Variants in BTRC observed in about 807,000 individuals in gnomAD.
BTRC encodes F-box/WD repeat-containing protein 1A.
BTRC carries 42 observed loss-of-function variants against 85.5 expected under a neutral mutation model. That is an observed-to-expected ratio of 0.49 (90% CI 0.38 to 0.64). The LOEUF (loss-of-function observed/expected upper bound fraction) is 0.64, where lower values mean the gene tolerates loss of function less well. Among genes scored for constraint, BTRC ranks in the 30% least tolerant of loss-of-function variants. The pLI is 0.00. For synonymous variants in BTRC, 255 were observed against 263.3 expected (o/e 0.97, Z 0.30); for missense variants, 594 against 743.5 (o/e 0.80, Z 2.34).
intron 4 of BTRC, among the ~76,000 whole-genome samples, chr10:101,507,141 A>G (rs1275013059): frequency 1.3e-5 from 2 of 152,120 alleles, no homozygotes; most frequent in Non-Finnish European, 2.9e-5. Context: ...CCAAGTCTGT[A>G]TCACTGGGGC....
At chr10:101,543,019 G>A (rs530645138) in intron 13 of BTRC, among the ~76,000 whole-genome samples, 1 of 152,270 alleles carries the variant, frequency 6.6e-6, no homozygotes, top group African/African-American at 2.4e-5. Context: ...TGGCATTACA[G>A]GCACCTGCCA....
chr10:101,529,512 C>G (rs759629800), intron 6 of BTRC, among the ~76,000 whole-genome samples: 3 of 152,168 alleles, frequency 2.0e-5, no homozygotes, highest in Non-Finnish European at 2.9e-5. Flanking sequence ...CATTCAAAAT[C>G]TATTATTTGC....
intron 4 of BTRC, among the ~76,000 whole-genome samples, chr10:101,519,596 T>G (rs1449988612): frequency 5.3e-5 from 8 of 152,202 alleles, no homozygotes; most frequent in South Asian, 2.1e-4. Flanking sequence ...CTGAGTAATC[T>G]CCTTATCTTA....
chr10:101,396,694 C>A (rs1476342181), intron 1 of BTRC, among the ~76,000 whole-genome samples: 1 of 152,000 alleles, frequency 6.6e-6, no homozygotes, highest in African/African-American at 2.4e-5. Context: ...AAACATCAGT[C>A]ACTACTAACG....
intron 4 of BTRC, among the ~76,000 whole-genome samples, chr10:101,505,031 T>C (rs2134303975): frequency 1.4e-5 from 2 of 140,914 alleles, no homozygotes; most frequent in Middle Eastern, 7.2e-3. Context: ...AACTTCTGCC[T>C]CCCGTGTTCA....
intron 4 of BTRC, among the ~76,000 whole-genome samples, chr10:101,482,606 G>A (rs985132269): frequency 4.0e-5 from 6 of 151,702 alleles, no homozygotes; most frequent in Admixed American, 1.3e-4. Context: ...CGCGTTGGCC[G>A]GGATGGTCTT....
intron 2 of BTRC, among the ~76,000 whole-genome samples, chr10:101,456,351 A>G (rs919527026): frequency 3.3e-5 from 5 of 152,146 alleles, no homozygotes; most frequent in Non-Finnish European, 7.3e-5. Flanking sequence ...ATTAAAATAG[A>G]TGATTCAAAG....
intron 3 of BTRC, among the ~76,000 whole-genome samples, chr10:101,463,205 C>A (rs538198728): frequency 1.3e-5 from 2 of 152,124 alleles, no homozygotes; most frequent in African/African-American, 4.8e-5. Flanking sequence ...ACTACCACAC[C>A]GGGCTAATTT....
intron 4 of BTRC, among the ~76,000 whole-genome samples, chr10:101,490,960 A>G (rs1946114435): frequency 6.6e-6 from 1 of 151,736 alleles, no homozygotes; most frequent in Non-Finnish European, 1.5e-5. Flanking sequence ...CAGGAAGCTG[A>G]GGTGGGGAGA....
intron 1 of BTRC, among the ~76,000 whole-genome samples, chr10:101,355,436 C>T (rs1028523981): frequency 6.6e-6 from 1 of 152,112 alleles, no homozygotes; most frequent in African/African-American, 2.4e-5. Flanking sequence ...TTGGCAAACT[C>T]GTATAGTCTG....
intron 2 of BTRC, among the ~76,000 whole-genome samples, chr10:101,454,910 G>A (rs1231005940): frequency 1.3e-5 from 2 of 152,094 alleles, no homozygotes; most frequent in East Asian, 3.9e-4. Flanking sequence ...ATATAGTAGG[G>A]AATTCTGGAT....
Position 101,532,260 on chromosome 10 carries a change from C to G in BTRC, c.841-35C>G, listed in dbSNP as rs774323634. The stretch of plus-strand genomic sequence containing the variant: ...AAAAAGAGTTTGATTCTAGGTGTTT[C>G]CTAACACTGCCTCTTTCCCATTCCT... On this transcript the variant is annotated intron_variant, in intron 7 of 14. Transcript: ENST00000370187. 3.1e-6 allele frequency: 5 copies of G among 1,588,198 alleles called. No homozygotes were observed. The African/African-American group carries it at 5.4e-5, about 17-fold the overall frequency.
chr10:101,371,582 G>T (rs1338671927), intron 1 of BTRC, among the ~76,000 whole-genome samples: 1 of 152,068 alleles, frequency 6.6e-6, no homozygotes, highest in African/African-American at 2.4e-5. Context: ...GATGTCCTCA[G>T]GTTTCATCCA....
chr10:101,406,012 AG>A (rs1205987766), intron 1 of BTRC, among the ~76,000 whole-genome samples: 1 of 151,894 alleles, frequency 6.6e-6, no homozygotes, highest in Non-Finnish European at 1.5e-5. Context: ...AATAGCTGAG[AG>A]AGTTATGTTA....
intron 2 of BTRC, among the ~76,000 whole-genome samples, chr10:101,459,590 T>A (rs1945169381): frequency 6.6e-6 from 1 of 152,222 alleles, no homozygotes; most frequent in Non-Finnish European, 1.5e-5. Flanking sequence ...TTTATGGGTT[T>A]CCCCCATTTT....
intron 5 of BTRC, among the ~76,000 whole-genome samples, chr10:101,524,033 C>T: frequency 6.6e-6 from 1 of 152,002 alleles, no homozygotes; most frequent in East Asian, 1.9e-4. Flanking sequence ...AAAAATATAC[C>T]AGCTCATAGC....
At chr10:101,481,640 A>C (rs988771836) in intron 4 of BTRC, among the ~76,000 whole-genome samples, 1 of 151,946 alleles carries the variant, frequency 6.6e-6, no homozygotes, top group Non-Finnish European at 1.5e-5. Context: ...ATCTAGCACA[A>C]TTATTTAATT....
chr10:101,480,675 T>C (rs890705049), intron 4 of BTRC, among the ~76,000 whole-genome samples: 1 of 152,192 alleles, frequency 6.6e-6, no homozygotes, highest in Non-Finnish European at 1.5e-5. Context: ...AAACATGCAG[T>C]AGTCTCTGGG....
At chr10:101,425,163 G>T (rs1176835675) in intron 1 of BTRC, among the ~76,000 whole-genome samples, 1 of 152,180 alleles carries the variant, frequency 6.6e-6, no homozygotes, top group African/African-American at 2.4e-5. Flanking sequence ...GTATTCCATG[G>T]TATATGTGTA....
Sources: gnomAD v4.1 joint callset for allele counts (sites outside exome capture counted in the v4.1 genomes callset) on GRCh38, gnomAD v4.1.1 for gene constraint, MANE v1.5 for transcripts, NCBI Gene and HGNC (gene_info 2026-07-23, HGNC 2026-07-21) for gene names.